UNC45A: variants seen among roughly 807,000 people sequenced by gnomAD.
The protein encoded by UNC45A is protein unc-45 homolog A.
In UNC45A, 78 loss-of-function variants were observed where a neutral mutation model predicts 103.2. The ratio of observed to expected loss-of-function variants is 0.76; its 90% CI spans 0.63 to 0.91. The LOEUF is 0.91. Ranked by LOEUF, UNC45A falls within the 40% of genes least tolerant of loss-of-function variation. The pLI is 0.00. For missense variants in UNC45A, 1,193 were observed against 1,224.8 expected (o/e 0.97, Z 0.39); for synonymous variants, 495 against 504.6 (o/e 0.98, Z 0.25).
At chr15:90,934,543 T>C (rs1039930613), upstream of UNC45A, 1 of 398,896 alleles carries the variant, frequency 2.5e-6, no homozygotes, top group Admixed American at 4.4e-5. Flanking sequence ...CCCCCGCCCA[T>C]CCTCAGGTGA....
upstream of UNC45A, chr15:90,934,537 C>G (rs1596204804): frequency 5.0e-6 from 2 of 399,028 alleles, no homozygotes; most frequent in Non-Finnish European, 8.8e-6. Context: ...CTTCCGCCCC[C>G]GCCCATCCTC....
chr15:90,943,999 T>G (rs1021617222), intron 8 of UNC45A, among the ~76,000 whole-genome samples: 3 of 148,258 alleles, frequency 2.0e-5, no homozygotes, highest in African/African-American at 5.0e-5. Context: ...TTTTTTTTTT[T>G]TTTTTTTTTT....
Position 90,946,827 on chromosome 15 carries a change from C to G in UNC45A, c.1413C>G (p.Ala471=). ...ATGCAGCCGGCAAGGCTAAGCGGGC[C>G]TCATTCATCACTGCCAATGGTGTCT... The part of the protein sequence containing the change: ...LIHAAGKAKR[A]SFITANGVSL... Residue 471 remains alanine, a synonymous_variant, in exon 10 of 20, where the codon GCC becomes GCG. Transcript: ENST00000418476. 1 of 1,614,162 alleles carries G rather than the reference C, an allele frequency of 6.2e-7. No homozygotes were observed. Among genetic ancestry groups the G allele is most frequent in the South Asian group, 1.1e-5 (1 of 91,082 alleles).
chr15:90,949,291 T>A (rs1278802945), intron 13 of UNC45A, 25 bp from the exon 14 acceptor site: 1 of 1,606,324 alleles, frequency 6.2e-7, no homozygotes, highest in African/African-American at 1.3e-5. Context: ...CCTAGGCCCC[T>A]CTCCTAAGCT....
chr15:90,946,033 A>G (rs1459380058), intron 9 of UNC45A, among the ~76,000 whole-genome samples: 1 of 148,142 alleles, frequency 6.8e-6, no homozygotes, highest in African/African-American at 2.5e-5. Context: ...GTGGGTGATC[A>G]CCTTAGGTCA....
intron 6 of UNC45A, 104 bp downstream of exon 6, chr15:90,940,577 C>A: frequency 7.0e-7 from 1 of 1,432,496 alleles, no homozygotes; most frequent in Non-Finnish European, 9.4e-7. Flanking sequence ...GCCCGTCCAT[C>A]CATCCATCCA....
Position 90,953,319 on chromosome 15 carries a change from C to T in UNC45A, c.2577+9C>T. Reference sequence around the variant, plus strand: ...GCCGCATTCCCCAAGTGGTCAGTGCCTCTTCTCAGTGGGGGAGGAGGGACG... The same window carrying T: ...GCCGCATTCCCCAAGTGGTCAGTGCTTCTTCTCAGTGGGGGAGGAGGGACG... On this transcript the variant is annotated intron_variant, in intron 19 of 19. Coordinates refer to ENST00000418476, the MANE Select transcript of UNC45A (RefSeq NM_018671.5). 1 of 1,604,754 alleles carries T rather than the reference C, an allele frequency of 6.2e-7. No individual in the cohort carries two copies. The highest frequency in any genetic ancestry group is 8.5e-7 in the Non-Finnish European group (1 of 1,175,748).
chr15:90,948,664 G>A lies in UNC45A; in HGVS notation c.1748G>A (p.Arg583Lys), dbSNP rs376618665. 1.9e-6 allele frequency: 3 copies of A among 1,613,970 alleles called. No homozygotes were observed. Among genetic ancestry groups the A allele is most frequent in the African/African-American group, 1.3e-5 (1 of 75,032 alleles). The change falls in exon 13 of 20, where the codon AGG becomes AAG. Residue 583 changes from arginine to lysine, a missense_variant. Arg to Lys is a conservative substitution (Grantham distance 26, BLOSUM62 2). Transcript: ENST00000418476. ...ALFQLSRLEE[R>K]SVLFAVASAL... ...TCTGTGTCCTGGCAGTTGGAGGAGAGGTCAGTGCTCTTTGCGGTGGCCTCA... is the reference window on the plus strand; with the variant it reads ...TCTGTGTCCTGGCAGTTGGAGGAGAAGTCAGTGCTCTTTGCGGTGGCCTCA...
At chr15:90,933,019 T>A (rs1413866022), upstream of UNC45A, 1 of 153,038 alleles carries the variant, frequency 6.5e-6, no homozygotes, top group Non-Finnish European at 1.5e-5. Flanking sequence ...CTAAAAATAG[T>A]TCTCCCTGTA....
At chr15:90,936,120 C>T (rs1042809939) in intron 3 of UNC45A, 138 bp downstream of exon 3, 3 of 1,513,904 alleles carry the variant, frequency 2.0e-6, no homozygotes, top group Non-Finnish European at 2.6e-6. Flanking sequence ...CTGCCTCGGG[C>T]CTTTCCTTTT....
chr15:90,936,368 G>C lies in UNC45A; in HGVS notation c.334G>C (p.Val112Leu). The C allele has an allele frequency of 6.2e-7, 1 of 1,614,256 alleles. No homozygotes were observed. The highest frequency in any genetic ancestry group is 1.1e-5 in the South Asian group (1 of 91,090). Residue 112 changes from valine to leucine, a missense_variant, in exon 4 of 20, where the codon GTC becomes CTC. Coordinates refer to ENST00000418476, the MANE Select transcript of UNC45A (RefSeq NM_018671.5). ...LEKLGRLDQA[V>L]LDLQRCVSLE... ...GAAGCTGGGCCGCCTGGACCAGGCT[G>C]TCCTTGACCTGCAGAGATGTGTGAG...
chr15:90,944,392 A>C (rs1255820714), intron 8 of UNC45A, among the ~76,000 whole-genome samples: 2 of 152,150 alleles, frequency 1.3e-5, no homozygotes, highest in East Asian at 3.8e-4. Flanking sequence ...CTTAAAAAAA[A>C]AAAAGATAAA....
chr15:90,933,878 C>T, upstream of UNC45A: 1 of 395,042 alleles, frequency 2.5e-6, no homozygotes, highest in Non-Finnish European at 4.5e-6. Flanking sequence ...CAGTCCCTGT[C>T]ATCTCTCTCT....
upstream of UNC45A, chr15:90,932,523 C>G (rs953707138): frequency 7.0e-6 from 9 of 1,292,454 alleles, no homozygotes; most frequent in Non-Finnish European, 7.8e-6. Flanking sequence ...CCAGCAGCTG[C>G]GCCGCCTCAG....
At chr15:90,946,942 G>GGGGGGGGGGGC in intron 10 of UNC45A, 28 bp downstream of exon 10, 13 of 817,372 alleles carry the variant, frequency 1.6e-5, no homozygotes, top group East Asian at 3.3e-5. Context: ...GGGTGGGTGG[G>GGGGGGGGGGGC]CAGGCAGCCA....
chr15:90,949,670 G>C lies in UNC45A; in HGVS notation c.2023G>C (p.Val675Leu), dbSNP rs1204978297. Residue 675 changes from valine (V) to leucine (L), a missense_variant, in exon 15 of 20, where the codon GTG (valine) becomes CTG (leucine). Physicochemically the swap from Val to Leu is conservative, Grantham distance 32. Coordinates refer to ENST00000418476, the MANE Select transcript of UNC45A (RefSeq NM_018671.5). ...TCCCCACAGGGTCTTCTTGGCTTTA[G>C]TGGAAGAGGTAGAGGACCGAGGCAC... ...ELLSRVFLAL[V>L]EEVEDRGTVV... The C allele has an allele frequency of 6.2e-7, 1 of 1,614,062 alleles. No homozygotes were observed. Among genetic ancestry groups the C allele is most frequent in the Non-Finnish European group, 8.5e-7 (1 of 1,180,034 alleles).
At chr15:90,932,597 G>A, upstream of UNC45A, 1 of 1,083,816 alleles carries the variant, frequency 9.2e-7, no homozygotes, top group East Asian at 3.2e-5. Flanking sequence ...CGTTTACAGC[G>A]CCCCCTGGCG....
Position 90,953,259 on chromosome 15 carries a change from G to A in UNC45A, c.2526G>A (p.Leu842=). 6.2e-7 allele frequency: 1 copy of A among 1,613,568 alleles called. No homozygotes were observed. Among genetic ancestry groups the A allele is most frequent in the Admixed American group, 1.7e-5 (1 of 60,002 alleles). ...TACAGCGGGCAGCTGCCGGGGGCTT[G>A]GCCATGCTTACCTCCATGCGGCCCA... is the stretch of plus-strand genomic sequence containing the variant. ...ELLQRAAAGG[L]AMLTSMRPTL... is the part of the protein sequence containing the mutation. Residue 842 remains leucine, a synonymous_variant, in exon 19 of 20, where the codon TTG becomes TTA. Coordinates refer to ENST00000418476, the MANE Select transcript of UNC45A (RefSeq NM_018671.5).
upstream of UNC45A, chr15:90,931,559 G>C (rs202109806): frequency 6.2e-7 from 1 of 1,614,220 alleles, no homozygotes; most frequent in Non-Finnish European, 8.5e-7. Flanking sequence ...TATTTTTACT[G>C]TATGAAAGAA....
Sources: allele counts gnomAD v4.1 joint callset (sites outside exome capture counted in the v4.1 genomes callset), GRCh38; gene constraint gnomAD v4.1.1; transcripts MANE v1.5; gene names NCBI Gene and HGNC (gene_info 2026-07-23, HGNC 2026-07-21).